The following MITF variants were observed in gnomAD, a reference collection of about 807,000 sequenced individuals.
MITF encodes the protein microphthalmia-associated transcription factor.
Under a neutral mutation model 60.5 loss-of-function variants are expected in MITF, and 17 were observed. The ratio of observed to expected loss-of-function variants is 0.28; its 90% CI spans 0.19 to 0.42. The LOEUF (loss-of-function observed/expected upper bound fraction) is 0.42, where lower values mean the gene tolerates loss of function less well. Ranked by LOEUF, MITF falls within the 10% of genes least tolerant of loss-of-function variation. The probability of loss-of-function intolerance (pLI) is 1.00; values close to 1 mark genes in which losing one functional copy is unlikely to be tolerated. For synonymous variants in MITF, 260 were observed against 248.5 expected, an observed-to-expected ratio of 1.05 and a Z score of -0.43; for missense variants, 622 against 683.5, an observed-to-expected ratio of 0.91 and a Z score of 1.00.
chr3:69,863,941 T>C (rs1359774633), intron 1 of MITF, among the ~76,000 whole-genome samples: 1 of 152,204 alleles, frequency 6.6e-6, no homozygotes, highest in African/African-American at 2.4e-5. Context: ...TCTTCCACTT[T>C]CTTGATTTTT....
rs377183554 is a variant in MITF, at chr3:69,916,041, G to A, written c.355-21781G>A. ...TTACAATAATTATGCTAGAAAGTTT[G>A]AAAGGCAGAAAACATGAAAACATCA... On this transcript the variant is annotated intron_variant, in intron 2 of 9. Transcript: ENST00000352241. Among the ~76,000 whole-genome samples the A allele has an allele frequency of 2.0e-5, 3 of 152,176 alleles. No homozygotes were observed. The South Asian group carries it at 6.2e-4, about 31-fold the overall frequency.
At chr3:69,962,227 A>G (rs924375901) in intron 9 of MITF, among the ~76,000 whole-genome samples, 1 of 152,196 alleles carries the variant, frequency 6.6e-6, no homozygotes, top group Non-Finnish European at 1.5e-5. Context: ...TGTTTTCAGT[A>G]TGGGCCTAAG....
intron 1 of MITF, among the ~76,000 whole-genome samples, chr3:69,815,029 G>A (rs2063158983): frequency 6.6e-6 from 1 of 152,114 alleles, no homozygotes; most frequent in Admixed American, 6.6e-5. Flanking sequence ...ATGGCTCGGG[G>A]CCTCAGGTTT....
chr3:69,810,457 T>G (rs1020221640), intron 1 of MITF, among the ~76,000 whole-genome samples: 7 of 152,208 alleles, frequency 4.6e-5, no homozygotes, highest in African/African-American at 1.7e-4. Context: ...TCCAGGGATT[T>G]ATTTGATGGC....
chr3:69,797,468 T>C (rs961630491), intron 1 of MITF, among the ~76,000 whole-genome samples: 2 of 152,146 alleles, frequency 1.3e-5, no homozygotes, highest in Non-Finnish European at 2.9e-5. Context: ...ATTTTCTATT[T>C]TGGTGGACTA....
intron 2 of MITF, among the ~76,000 whole-genome samples, chr3:69,936,272 C>T (rs1440042337): frequency 1.3e-5 from 2 of 152,138 alleles, no homozygotes; most frequent in African/African-American, 2.4e-5. Context: ...ATGATGTCTC[C>T]TCCAAAGGGG....
intron 1 of MITF, among the ~76,000 whole-genome samples, chr3:69,823,529 T>C (rs2063309414): frequency 6.6e-6 from 1 of 152,194 alleles, no homozygotes; most frequent in South Asian, 2.1e-4. Context: ...TGACCTCATC[T>C]AAACTCAATT....
In MITF at chr3:69,739,581, G is replaced by T. The variant is rs1703447966; in HGVS notation, c.-17G>T. 1.9e-6 allele frequency: 3 copies of T among 1,558,904 alleles called. No individual in the cohort carries two copies. The African/African-American group carries it at 4.1e-5, about 21-fold the overall frequency. ...TGTTCTCACTTTCCAGCAGTGGAAG[G>T]ACGGGAAGCGGGAGCCATGCAGTCC... On this transcript the variant is annotated 5_prime_UTR_variant, in exon 1 of 10. Coordinates refer to ENST00000352241, the MANE Select transcript of MITF (RefSeq NM_001354604.2).
At chr3:69,834,454 T>A (rs2063506220) in intron 1 of MITF, among the ~76,000 whole-genome samples, 1 of 152,220 alleles carries the variant, frequency 6.6e-6, no homozygotes, top group African/African-American at 2.4e-5. Flanking sequence ...CTTATTTCCC[T>A]TAACATGATA....
At chr3:69,835,204 G>T (rs2063522314) in intron 1 of MITF, among the ~76,000 whole-genome samples, 1 of 151,806 alleles carries the variant, frequency 6.6e-6, no homozygotes. Context: ...TTTTTGTAGA[G>T]ACCGGGTGTT....
chr3:69,774,943 T>C (rs984157961), intron 1 of MITF, among the ~76,000 whole-genome samples: 1 of 152,186 alleles, frequency 6.6e-6, no homozygotes, highest in East Asian at 1.9e-4. Context: ...GACTTTCACA[T>C]TGCATTGCTT....
At chr3:69,859,471 G>A (rs1035148611) in intron 1 of MITF, among the ~76,000 whole-genome samples, 1 of 152,150 alleles carries the variant, frequency 6.6e-6, no homozygotes, top group African/African-American at 2.4e-5. Context: ...CCTTGGACCA[G>A]AATGGATTTA....
At chr3:69,846,723 A>T (rs2063738640) in intron 1 of MITF, among the ~76,000 whole-genome samples, 1 of 150,940 alleles carries the variant, frequency 6.6e-6, no homozygotes, top group Admixed American at 6.6e-5. Context: ...AGGCTGAGAC[A>T]TGAGACTCAC....
At chr3:69,954,472 T>G (rs2066347687) in intron 7 of MITF, among the ~76,000 whole-genome samples, 1 of 152,160 alleles carries the variant, frequency 6.6e-6, no homozygotes, top group Non-Finnish European at 1.5e-5. Context: ...TAGGTAAATC[T>G]GAGTCTACCT....
intron 3 of MITF, chr3:69,938,433 C>G: frequency 6.5e-7 from 1 of 1,527,490 alleles, no homozygotes; most frequent in Non-Finnish European, 8.8e-7. Flanking sequence ...GTGGGACATG[C>G]TGTTTAGAAG....
intron 1 of MITF, among the ~76,000 whole-genome samples, chr3:69,759,083 G>T (rs939637608): frequency 6.6e-6 from 1 of 152,132 alleles, no homozygotes; most frequent in African/African-American, 2.4e-5. Flanking sequence ...TACAAATACC[G>T]AATTAGCAAA....
chr3:69,897,170 C>T (rs531605771), intron 2 of MITF, among the ~76,000 whole-genome samples: 1 of 152,166 alleles, frequency 6.6e-6, no homozygotes, highest in African/African-American at 2.4e-5. Context: ...CTTCATTTTC[C>T]TTTTAGGAAA....
intron 1 of MITF, among the ~76,000 whole-genome samples, chr3:69,866,004 G>A (rs2064107500): frequency 6.6e-6 from 1 of 152,202 alleles, no homozygotes; most frequent in African/African-American, 2.4e-5. Flanking sequence ...AGCTTCCCGA[G>A]GTGCTTGCCT....
chr3:69,768,716 G>A (rs2062341837), intron 1 of MITF, among the ~76,000 whole-genome samples: 1 of 152,128 alleles, frequency 6.6e-6, no homozygotes, highest in East Asian at 1.9e-4. Flanking sequence ...TACAGAAATG[G>A]CAGTAACAAC....
Sources: gnomAD v4.1 joint callset for allele counts (sites outside exome capture counted in the v4.1 genomes callset) on GRCh38, gnomAD v4.1.1 for gene constraint, MANE v1.5 for transcripts, NCBI Gene and HGNC (gene_info 2026-07-23, HGNC 2026-07-21) for gene names.